Variants in GRHPR observed in about 807,000 individuals in gnomAD.
The protein encoded by GRHPR is glyoxylate and hydroxypyruvate reductase.
A neutral mutation model predicts 36.8 loss-of-function variants in GRHPR; 35 were observed. The ratio of observed to expected loss-of-function variants is 0.95; its 90% confidence interval spans 0.73 to 1.26. The LOEUF is 1.26. Among genes scored for constraint, GRHPR ranks in the 50% most tolerant of loss-of-function variants. The probability of loss-of-function intolerance (pLI) is 0.00; values close to 1 mark genes in which losing one functional copy is unlikely to be tolerated. For missense variants in GRHPR, 380 were observed against 435.0 expected, an observed-to-expected ratio of 0.87 and a Z score of 1.12; for synonymous variants, 179 against 181.0, an observed-to-expected ratio of 0.99 and a Z score of 0.09.
At chr9:37,429,926 G>T in intron 6 of GRHPR, 90 bp downstream of exon 6, 1 of 804,678 alleles carries the variant, frequency 1.2e-6, no homozygotes, top group Non-Finnish European at 2.2e-6. Flanking sequence ...CAGGCAGAGG[G>T]CAGGAGCTCC....
Position 37,424,854 on chromosome 9 carries a change from G to A in GRHPR, c.93G>A (p.Val31=), listed in dbSNP as rs141330907. The change falls in exon 2 of 9, where the codon GTG becomes GTA. Residue 31 remains valine (V), a synonymous_variant. Transcript: ENST00000318158. ...CTCCCTTTCCCCGCAGCTGTGAGGT[G>A]GAGCAGTGGGACTCGGATGAGCCCA... ...VALARAADCE[V]EQWDSDEPIP... 1.5e-4 allele frequency: 234 copies of A among 1,613,124 alleles called. 2 individuals carry two copies. Among genetic ancestry groups the A allele is most frequent in the Non-Finnish European group, 1.9e-4 (229 of 1,179,810 alleles).
Position 37,432,011 on chromosome 9 carries a change from C to T in GRHPR, c.738C>T (p.Gly246=), listed in dbSNP as rs750846577. ...ETAVFINISR[G]DVVNQDDLYQ... ...ATGTCACCACTGTCATTCCCAGGGGCGACGTCGTAAACCAGGACGACCTGT... is the reference window on the plus strand; with the variant it reads ...ATGTCACCACTGTCATTCCCAGGGGTGACGTCGTAAACCAGGACGACCTGT... The change falls in exon 8 of 9, where the codon GGC becomes GGT. Residue 246 remains glycine, a synonymous_variant. Transcript: ENST00000318158. 20 of 1,613,796 alleles carry T rather than the reference C, an allele frequency of 1.2e-5. No homozygotes were observed. Among genetic ancestry groups the T allele is most frequent in the Admixed American group, 5.0e-5 (3 of 59,996 alleles).
intron 5 of GRHPR, chr9:37,428,945 C>A (rs1823220203): frequency 7.9e-6 from 3 of 380,886 alleles, no homozygotes; most frequent in Admixed American, 7.3e-5. Flanking sequence ...ATGTGACTCA[C>A]AAAGCCCTAA....
rs186922220 is a variant in GRHPR, at chr9:37,426,607, A to G, written c.357A>G (p.Leu119=). The G allele has an allele frequency of 4.4e-5, 71 of 1,613,828 alleles. 1 individual carries two copies. In the East Asian group the frequency reaches 1.4e-3, roughly 31 times the overall value. Residue 119 remains leucine, a synonymous_variant, in exon 4 of 9, where the codon CTA becomes CTG. Transcript: ENST00000318158. ...DTTAELAVSL[L]LTTCRRLPEA... is the part of the protein sequence containing the mutation. ...CCGCCGAACTCGCAGTCTCCCTGCT[A>G]CTTACCACCTGCCGCCGGTTGCCGG...
intron 2 of GRHPR, 33 bp downstream of exon 2, chr9:37,425,008 G>A: frequency 1.2e-6 from 2 of 1,605,730 alleles, no homozygotes; most frequent in Non-Finnish European, 1.7e-6. Context: ...ACTTGAGGGT[G>A]GCTTGGCCCT....
intron 4 of GRHPR, 99 bp from the exon 5 acceptor site, chr9:37,428,385 G>T: frequency 1.2e-6 from 1 of 814,684 alleles, no homozygotes. Flanking sequence ...CTGGAGGGTG[G>T]GTTTATACCT....
intron 1 of GRHPR, 82 bp from the exon 2 acceptor site, chr9:37,424,763 C>T: frequency 1.3e-6 from 2 of 1,531,112 alleles, no homozygotes; most frequent in South Asian, 1.2e-5. Context: ...CCAGGGCCAT[C>T]AGAGGCCAGG....
In GRHPR at chr9:37,436,928, A is replaced by G. The variant is rs1057507; in HGVS notation, c.*146A>G. ...TGATTCTGATATATGTACTTGTCAC[A>G]TTGGTGTTGGACACATTTGCGCCAA... On this transcript the variant is annotated 3_prime_UTR_variant, in exon 9 of 9. Coordinates refer to ENST00000318158, the MANE Select transcript of GRHPR (RefSeq NM_012203.2). 0.041 allele frequency: 35,818 copies of G among 879,938 alleles called. 886 individuals are homozygous for G. The highest frequency in any genetic ancestry group is 0.075 in the Middle Eastern group (233 of 3,108). The allele number at this position is 879,938 out of a possible 1,614,324, so 54.5% of individuals were successfully genotyped here. A position where few individuals can be genotyped will look rare whatever the true frequency, so the allele number is the denominator to read the frequency against.
rs970620976 is a variant in GRHPR at position 37,436,717 on chromosome 9, T to C, written c.922T>C (p.Leu308=). Residue 308 remains leucine, a synonymous_variant, in exon 9 of 9, where the codon TTG becomes CTG. Coordinates refer to ENST00000318158, the MANE Select transcript of GRHPR (RefSeq NM_012203.2). ...CAGAACCCGCAACACCATGTCCTTG[T>C]TGGCAGCTAACAACTTGCTGGCTGG... The part of the protein sequence containing the change: ...THRTRNTMSL[L]AANNLLAGLR... 17 of 1,614,014 alleles carry C rather than the reference T, an allele frequency of 1.1e-5. No homozygotes were observed. Among genetic ancestry groups the C allele is most frequent in the African/African-American group, 2.7e-5 (2 of 74,942 alleles).
chr9:37,428,592 G>T lies in GRHPR; in HGVS notation c.493+20G>T. On this transcript the variant is annotated intron_variant, in intron 5 of 8. Coordinates refer to ENST00000318158, the MANE Select transcript of GRHPR (RefSeq NM_012203.2). ...GCATAGGTGAGGCTCCCACCGGCCC[G>T]CTTGCCCGCCCCGGCTCTCACAGCG... 6.5e-7 allele frequency: 1 copy of T among 1,530,632 alleles called. No homozygotes were observed. 94.8% of individuals were successfully genotyped at this position (1,530,632 alleles called of 1,614,324 possible).
chr9:37,437,051 AC>A (rs1290476133), downstream of GRHPR: 1 of 416,430 alleles, frequency 2.4e-6, no homozygotes, highest in South Asian at 2.1e-5. Context: ...ATGGTGACGC[AC>A]CCCTATAGTC....
At position 37,436,640 on chromosome 9, in the gene GRHPR, CT is replaced by C; in HGVS notation, c.866-20del. 6.2e-7 allele frequency: 1 copy of C among 1,606,400 alleles called. No individual in the cohort carries two copies. Among genetic ancestry groups the C allele is most frequent in the East Asian group, 2.2e-5 (1 of 44,804 alleles). ...TGAACCACCCTTCTTATCTCCCTCT[CT>C]CTCTCTCTCTCCTTTCCAGTGATTC... On this transcript the variant is annotated intron_variant, in intron 8 of 8. Coordinates refer to ENST00000318158, the MANE Select transcript of GRHPR (RefSeq NM_012203.2).
At chr9:37,435,711 A>G (rs1000094694) in intron 8 of GRHPR, among the ~76,000 whole-genome samples, 1 of 152,138 alleles carries the variant, frequency 6.6e-6, no homozygotes, top group African/African-American at 2.4e-5. Flanking sequence ...GGCAACAAAG[A>G]CCCTATTACA....
intron 3 of GRHPR, 75 bp from the exon 4 acceptor site, chr9:37,426,463 C>T: frequency 1.0e-6 from 1 of 984,924 alleles, no homozygotes; most frequent in Non-Finnish European, 1.7e-6. Flanking sequence ...AAAGTAACTC[C>T]ATGGAAATGT....
chr9:37,426,155 A>G lies in GRHPR; in HGVS notation c.287+161A>G, dbSNP rs2768659. On this transcript the variant is annotated intron_variant, in intron 3 of 8. Coordinates refer to ENST00000318158, the MANE Select transcript of GRHPR (RefSeq NM_012203.2). ...TCCACATGTGCACAGGTCAGTTACA[A>G]TAAACCCCAGCAGTCAGAAACAGTG... 0.62 allele frequency: 404,954 copies of G among 649,134 alleles called. 131,329 individuals are homozygous for G. The highest frequency in any genetic ancestry group is 0.74 in the Admixed American group (31,479 of 42,746). 40.2% of individuals were successfully genotyped at this position (649,134 alleles called of 1,614,324 possible).
intron 7 of GRHPR, 173 bp downstream of exon 7, chr9:37,430,819 A>G (rs1823327558): frequency 2.8e-6 from 2 of 711,658 alleles, no homozygotes; most frequent in Non-Finnish European, 5.2e-6. Flanking sequence ...ACCTCCGTAC[A>G]GGGAAGAAGA....
chr9:37,428,959 G>A (rs574879063), intron 5 of GRHPR: 6 of 363,810 alleles, frequency 1.6e-5, no homozygotes, highest in Admixed American at 7.4e-5. Context: ...GCCCTAACTC[G>A]GGCCGGAGGG....
intron 8 of GRHPR, among the ~76,000 whole-genome samples, chr9:37,435,863 CTT>C: frequency 6.6e-6 from 1 of 152,264 alleles, no homozygotes; most frequent in Non-Finnish European, 1.5e-5. Flanking sequence ...GCCTCGAACT[CTT>C]GGGCTCAAGC....
At chr9:37,435,453 G>C (rs1396480740) in intron 8 of GRHPR, among the ~76,000 whole-genome samples, 2 of 150,312 alleles carry the variant, frequency 1.3e-5, no homozygotes, top group African/African-American at 2.4e-5. Context: ...GTAGGGAAAG[G>C]CTGGTTTTTG....
Sources: gnomAD v4.1 joint callset for allele counts (sites outside exome capture counted in the v4.1 genomes callset) on GRCh38, gnomAD v4.1.1 for gene constraint, MANE v1.5 for transcripts, NCBI Gene and HGNC (gene_info 2026-07-23, HGNC 2026-07-21) for gene names.